TAMM41: variants seen among roughly 807,000 people sequenced by gnomAD.
TAMM41 encodes the protein TAM41 mitochondrial translocator assembly and maintenance homolog, also known as phosphatidate cytidylyltransferase, mitochondrial.
In TAMM41, 36 loss-of-function variants were observed where a neutral mutation model predicts 44.1. That is an observed-to-expected ratio of 0.82 (90% confidence interval 0.63 to 1.08). The LOEUF (loss-of-function observed/expected upper bound fraction) is 1.08. TAMM41 is among the 50% of genes least tolerant of loss of function. The probability of loss-of-function intolerance (pLI) is 0.00; values close to 1 mark genes in which losing one functional copy is unlikely to be tolerated. For missense variants in TAMM41, 417 were observed against 404.3 expected (o/e 1.03, Z -0.27); for synonymous variants, 164 against 153.1 (o/e 1.07, Z -0.53).
intron 7 of TAMM41, among the ~76,000 whole-genome samples, chr3:11,803,015 T>C (rs1328543457): frequency 6.6e-6 from 1 of 152,226 alleles, no homozygotes; most frequent in Admixed American, 6.5e-5. Context: ...CTTATACCTG[T>C]AATCCCAGCA....
intron 4 of TAMM41, among the ~76,000 whole-genome samples, chr3:11,825,581 G>T (rs2125016648): frequency 6.6e-6 from 1 of 152,230 alleles, no homozygotes; most frequent in East Asian, 1.9e-4. Context: ...TTTTCCCCAA[G>T]AATCACTCAA....
At chr3:11,771,652 T>A in the TAMM41 span, among the ~76,000 whole-genome samples, 1 of 151,566 alleles carries the variant, frequency 6.6e-6, no homozygotes, top group South Asian at 2.1e-4. Context: ...GTGTGATCTC[T>A]GCTCACTGCA....
chr3:11,835,949 T>C (rs1017687045), intron 3 of TAMM41, among the ~76,000 whole-genome samples: 1 of 151,968 alleles, frequency 6.6e-6, no homozygotes, highest in Admixed American at 6.6e-5. Context: ...AAACACTGAG[T>C]TCTTCCCAGC....
chr3:11,837,793 C>T (rs1316825771), intron 3 of TAMM41, among the ~76,000 whole-genome samples: 1 of 152,232 alleles, frequency 6.6e-6, no homozygotes, highest in Non-Finnish European at 1.5e-5. Context: ...GGAGGCTCCA[C>T]TGAGGCACCA....
chr3:11,788,479 T>G (rs1370507152), downstream of TAMM41, among the ~76,000 whole-genome samples: 1 of 152,144 alleles, frequency 6.6e-6, no homozygotes, highest in Non-Finnish European at 1.5e-5. Flanking sequence ...TGTAGTGATG[T>G]GCTCTCGCTA....
the TAMM41 span, among the ~76,000 whole-genome samples, chr3:11,745,539 C>T: frequency 6.6e-6 from 1 of 152,108 alleles, no homozygotes; most frequent in African/African-American, 2.4e-5. Flanking sequence ...ATGGATGAAC[C>T]TTGAGGACAT....
chr3:11,780,185 A>G, the TAMM41 span, among the ~76,000 whole-genome samples: 1 of 152,224 alleles, frequency 6.6e-6, no homozygotes, highest in African/African-American at 2.4e-5. Flanking sequence ...GGGGATAACA[A>G]TGAACAGACT....
the TAMM41 span, among the ~76,000 whole-genome samples, chr3:11,724,516 A>C: frequency 6.6e-6 from 1 of 151,978 alleles, no homozygotes. Flanking sequence ...CCTGGGTTCA[A>C]GCAATTCTCC....
the TAMM41 span, among the ~76,000 whole-genome samples, chr3:11,772,641 A>G: frequency 6.6e-6 from 1 of 152,304 alleles, no homozygotes; most frequent in Non-Finnish European, 1.5e-5. Flanking sequence ...GTGCTGTCAT[A>G]AACACATGAG....
the TAMM41 span, among the ~76,000 whole-genome samples, chr3:11,764,556 G>A: frequency 7.5e-5 from 10 of 134,044 alleles, no homozygotes; most frequent in East Asian, 2.2e-4. Flanking sequence ...TCAGTGGCGC[G>A]ATCTCGGCTC....
the TAMM41 span, among the ~76,000 whole-genome samples, chr3:11,756,649 T>C: frequency 2.6e-5 from 4 of 151,946 alleles, no homozygotes; most frequent in Non-Finnish European, 5.9e-5. Context: ...GCAGATCACA[T>C]GAGGTAGGGA....
At position 11,846,539 on chromosome 3, in the gene TAMM41, C is replaced by A. The variant is rs199685690; in HGVS notation, c.98G>T (p.Gly33Val). ...ELSLAFVYGS[G>V]VYRQAGPSSD... Reference sequence around the variant, plus strand: ...ACTCGGCCCTGCCTGGCGGTACACCCCGGAGCCGTAGACGAAAGCCAGACT... The same window carrying A: ...ACTCGGCCCTGCCTGGCGGTACACCACGGAGCCGTAGACGAAAGCCAGACT... Residue 33 changes from glycine to valine, a missense_variant, in exon 1 of 8, where the codon GGG becomes GTG. Transcript: ENST00000455809. 1 of 1,614,206 alleles carries A rather than the reference C, an allele frequency of 6.2e-7. No homozygotes were observed. Among genetic ancestry groups the A allele is most frequent in the Admixed American group, 1.7e-5 (1 of 60,024 alleles).
At chr3:11,744,779 C>T in the TAMM41 span, among the ~76,000 whole-genome samples, 2 of 152,128 alleles carry the variant, frequency 1.3e-5, no homozygotes, top group Admixed American at 6.5e-5. Context: ...GTAATCCCAA[C>T]ACTTCAGGAG....
intron 7 of TAMM41, among the ~76,000 whole-genome samples, chr3:11,793,291 A>G (rs1413239157): frequency 6.6e-6 from 1 of 152,184 alleles, no homozygotes; most frequent in Non-Finnish European, 1.5e-5. Flanking sequence ...TCATGAGGAA[A>G]ATGTAAATTA....
chr3:11,767,643 T>TTTTTTTTTTTTTTTTTTTTTTA, the TAMM41 span, among the ~76,000 whole-genome samples: 3 of 138,938 alleles, frequency 2.2e-5, no homozygotes, highest in South Asian at 2.4e-4. Flanking sequence ...TTTTTTTTTT[T>TTTTTTTTTTTTTTTTTTTTTTA]GAGACAGAGT....
the TAMM41 span, among the ~76,000 whole-genome samples, chr3:11,784,707 C>A: frequency 1.3e-5 from 2 of 151,880 alleles, no homozygotes; most frequent in African/African-American, 4.8e-5. Flanking sequence ...TTAAAAGAGG[C>A]ATTAACATCA....
intron 7 of TAMM41, among the ~76,000 whole-genome samples, chr3:11,796,732 A>T (rs1367424085): frequency 6.6e-6 from 1 of 152,194 alleles, no homozygotes; most frequent in Non-Finnish European, 1.5e-5. Flanking sequence ...AACAGCTATG[A>T]TGACAACAAA....
chr3:11,790,590 G>C lies in TAMM41; in HGVS notation c.938-9C>G. 6.2e-7 allele frequency: 1 copy of C among 1,608,722 alleles called. No homozygotes were observed. ...CACTGACTTCTTCAGGCCTAAAAGA[G>C]AAAAGATGAGAAAGTAAGAAGATGG... is the stretch of plus-strand genomic sequence containing the variant. On this transcript the variant is annotated splice_polypyrimidine_tract_variant and intron_variant, in intron 7 of 7. Coordinates refer to ENST00000455809, the MANE Select transcript of TAMM41 (RefSeq NM_001284401.2).
At chr3:11,767,307 G>A in the TAMM41 span, among the ~76,000 whole-genome samples, 1 of 152,012 alleles carries the variant, frequency 6.6e-6, no homozygotes, top group African/African-American at 2.4e-5. Context: ...GACTTCAAGT[G>A]ATCTGCCCGC....
Sources: allele counts gnomAD v4.1 joint callset (sites outside exome capture counted in the v4.1 genomes callset), GRCh38; gene constraint gnomAD v4.1.1; transcripts MANE v1.5; gene names NCBI Gene and HGNC (gene_info 2026-07-23, HGNC 2026-07-21).